The following EGFR variants were observed in gnomAD, a reference collection of about 807,000 sequenced individuals.
EGFR encodes the protein epidermal growth factor receptor, also known as avian erythroblastic leukemia viral (v-erb-b) oncogene homolog.
EGFR carries 58 observed loss-of-function variants against 143.0 expected under a neutral mutation model. The ratio of observed to expected loss-of-function variants is 0.41; its 90% CI spans 0.33 to 0.50. The LOEUF is 0.50. Ranked by LOEUF, EGFR falls within the 20% of genes least tolerant of loss-of-function variation. The pLI is 0.39. For synonymous variants in EGFR, 613 were observed against 594.4 expected (o/e 1.03, Z -0.45); for missense variants, 1,307 against 1,579.0 (o/e 0.83, Z 2.92).
At chr7:55,104,574 A>C (rs764276479) in intron 1 of EGFR, among the ~76,000 whole-genome samples, 1 of 152,182 alleles carries the variant, frequency 6.6e-6, no homozygotes, top group Non-Finnish European at 1.5e-5. Context: ...GGCACTGTCT[A>C]CCGCATGCGG....
intron 19 of EGFR, 188 bp from the exon 20 acceptor site, chr7:55,181,105 A>G: frequency 2.8e-6 from 2 of 707,826 alleles, no homozygotes; most frequent in South Asian, 1.8e-5. Context: ...CTCCCACTGC[A>G]TCTGTCACTT....
chr7:55,196,807 A>G (rs367868933), intron 22 of EGFR, among the ~76,000 whole-genome samples: 4 of 150,998 alleles, frequency 2.6e-5, no homozygotes, highest in African/African-American at 4.9e-5. Flanking sequence ...CAACTTTGTC[A>G]ACGATCACAT....
intron 23 of EGFR, among the ~76,000 whole-genome samples, chr7:55,199,885 A>C (rs1019344744): frequency 6.6e-6 from 1 of 152,192 alleles, no homozygotes; most frequent in Non-Finnish European, 1.5e-5. Flanking sequence ...TCCCAACCCC[A>C]AATTCTTTAA....
At chr7:55,054,464 G>A (rs1788670609) in intron 1 of EGFR, among the ~76,000 whole-genome samples, 1 of 152,228 alleles carries the variant, frequency 6.6e-6, no homozygotes, top group Non-Finnish European at 1.5e-5. Context: ...CTCTAACTTG[G>A]CCATGCCGTG....
chr7:55,205,200 C>T (rs2128974968), intron 27 of EGFR, 56 bp from the exon 28 acceptor site: 1 of 1,605,004 alleles, frequency 6.2e-7, no homozygotes, highest in Non-Finnish European at 8.5e-7. Context: ...CCCAGGGATC[C>T]TGCATGGGAT....
chr7:55,134,114 C>T (rs1235537602), intron 1 of EGFR, among the ~76,000 whole-genome samples: 2 of 152,198 alleles, frequency 1.3e-5, no homozygotes, highest in African/African-American at 4.8e-5. Flanking sequence ...CTCCAATGTC[C>T]CCTGCTCAGG....
intron 1 of EGFR, among the ~76,000 whole-genome samples, chr7:55,113,904 C>G (rs1199928973): frequency 6.6e-6 from 1 of 152,140 alleles, no homozygotes; most frequent in Non-Finnish European, 1.5e-5. Context: ...CTTTGAGCAG[C>G]TGCTGCCAAG....
intron 11 of EGFR, among the ~76,000 whole-genome samples, chr7:55,159,414 T>C (rs1785590067): frequency 6.6e-6 from 1 of 152,212 alleles, no homozygotes; most frequent in Non-Finnish European, 1.5e-5. Context: ...CATCCAGTCA[T>C]CTGATATACA....
intron 1 of EGFR, among the ~76,000 whole-genome samples, chr7:55,107,649 T>C (rs1226409096): frequency 6.6e-6 from 1 of 152,226 alleles, no homozygotes; most frequent in Non-Finnish European, 1.5e-5. Flanking sequence ...CGGCAGTGAA[T>C]TCCAGTTGTT....
At chr7:55,040,709 A>G (rs1036307436) in intron 1 of EGFR, among the ~76,000 whole-genome samples, 1 of 152,176 alleles carries the variant, frequency 6.6e-6, no homozygotes, top group African/African-American at 2.4e-5. Context: ...TTCCCAGAAA[A>G]TCTCAGGTTA....
intron 15 of EGFR, among the ~76,000 whole-genome samples, chr7:55,169,262 G>C (rs1212716928): frequency 1.3e-5 from 2 of 152,028 alleles, no homozygotes; most frequent in East Asian, 3.9e-4. Flanking sequence ...CACCACGCCT[G>C]GCTAATTTTT....
intron 1 of EGFR, among the ~76,000 whole-genome samples, chr7:55,045,006 G>A (rs1233668062): frequency 2.0e-5 from 3 of 152,140 alleles, no homozygotes; most frequent in Non-Finnish European, 4.4e-5. Flanking sequence ...ATCTAGAAAG[G>A]CATGCAGACA....
At chr7:55,152,697 A>T (rs1184183319) in intron 6 of EGFR, 33 bp downstream of exon 6, 1 of 1,587,674 alleles carries the variant, frequency 6.3e-7, no homozygotes, top group East Asian at 2.2e-5. Flanking sequence ...TCCCTGGAGC[A>T]GGCTGGGGCT....
At chr7:55,139,577 G>A (rs941168003) in intron 1 of EGFR, among the ~76,000 whole-genome samples, 1 of 152,164 alleles carries the variant, frequency 6.6e-6, no homozygotes, top group Non-Finnish European at 1.5e-5. Flanking sequence ...TGATACTTTA[G>A]TAATTAACCC....
chr7:55,143,709 C>T (rs1471705025), intron 3 of EGFR, among the ~76,000 whole-genome samples: 2 of 152,084 alleles, frequency 1.3e-5, no homozygotes, highest in Non-Finnish European at 2.9e-5. Flanking sequence ...CCAGTGTTTA[C>T]ATGGACATGA....
intron 20 of EGFR, among the ~76,000 whole-genome samples, chr7:55,185,011 T>C (rs1787068170): frequency 6.6e-6 from 1 of 152,232 alleles, no homozygotes; most frequent in African/African-American, 2.4e-5. Flanking sequence ...ATGTCCTGTG[T>C]TGACTCACAA....
chr7:55,167,063 T>G (rs112895596), intron 15 of EGFR, among the ~76,000 whole-genome samples: 323 of 82,380 alleles, frequency 3.9e-3, no homozygotes, highest in Middle Eastern at 0.019. Context: ...AGTCACAATG[T>G]TGGTGGTGTT....
rs17289589 is a variant in EGFR, at chr7:55,143,357, G to T, written c.293G>T (p.Arg98Leu). 2 of 1,614,200 alleles carry T rather than the reference G, an allele frequency of 1.2e-6. No individual in the cohort carries two copies. The highest frequency in any genetic ancestry group is 1.7e-5 in the Admixed American group (1 of 60,024). The stretch of plus-strand genomic sequence containing the variant: ...CTCATTGCCCTCAACACAGTGGAGC[G>T]AATTCCTTTGGAAAACCTGCAGATC... ...YVLIALNTVE[R>L]IPLENLQIIR... Residue 98 changes from arginine (R) to leucine (L), a missense_variant, in exon 3 of 28, where the codon CGA becomes CTA. Physicochemically the swap from Arg to Leu is moderately radical, Grantham distance 102. Around this residue, in one of 7 missense-constraint regions of EGFR, gnomAD observed 311 missense variants for 412.3 expected, o/e 0.75. Transcript: ENST00000275493.
At chr7:55,192,010 G>A (rs894049799) in intron 21 of EGFR, 136 bp downstream of exon 21, 5 of 1,341,452 alleles carry the variant, frequency 3.7e-6, no homozygotes, top group South Asian at 1.2e-5. Context: ...AGCAGCTGCT[G>A]CTGGCAGCTG....
Sources: allele counts gnomAD v4.1 joint callset (sites outside exome capture counted in the v4.1 genomes callset), GRCh38; gene constraint gnomAD v4.1.1; regional missense constraint gnomAD v4.1.1; transcripts MANE v1.5; gene names NCBI Gene and HGNC (gene_info 2026-07-23, HGNC 2026-07-21).